DOCK7: variants seen among roughly 807,000 people sequenced by gnomAD.
The protein encoded by DOCK7 is dedicator of cytokinesis protein 7.
A neutral mutation model predicts 271.0 loss-of-function variants in DOCK7; 138 were observed. The observed-to-expected ratio is 0.51, with a 90% CI of 0.44 to 0.59. The LOEUF is 0.59. Ranked by LOEUF, DOCK7 falls within the 20% of genes least tolerant of loss-of-function variation. The probability of loss-of-function intolerance (pLI) is 0.00; values close to 1 mark genes in which losing one functional copy is unlikely to be tolerated. For missense variants in DOCK7, 2,066 were observed against 2,592.4 expected (o/e 0.80, Z 4.41); for synonymous variants, 823 against 876.1 (o/e 0.94, Z 1.07).
intron 7 of DOCK7, among the ~76,000 whole-genome samples, chr1:62,642,962 GT>G (rs1352856812): frequency 6.6e-6 from 1 of 152,116 alleles, no homozygotes; most frequent in Admixed American, 6.6e-5. Flanking sequence ...GGCTACCCTT[GT>G]GATTTGTTTT....
chr1:62,537,523 T>C (rs1362398428), intron 28 of DOCK7, among the ~76,000 whole-genome samples: 1 of 149,760 alleles, frequency 6.7e-6, no homozygotes, highest in Non-Finnish European at 1.5e-5. Flanking sequence ...GAGGCGGAAG[T>C]TGCAGTGAGC....
intron 14 of DOCK7, among the ~76,000 whole-genome samples, chr1:62,600,064 A>G (rs1471739141): frequency 6.6e-6 from 1 of 151,952 alleles, no homozygotes; most frequent in African/African-American, 2.4e-5. Context: ...AAGGTTTTTT[A>G]TCAACTACTT....
At chr1:62,625,213 T>C (rs756164331) in intron 12 of DOCK7, 46 bp downstream of exon 12, 1 of 1,600,136 alleles carries the variant, frequency 6.2e-7, no homozygotes, top group Non-Finnish European at 8.5e-7. Flanking sequence ...TTAAAAAAAT[T>C]TATGCACAAA....
chr1:62,553,341 T>C (rs1645998553), intron 21 of DOCK7, among the ~76,000 whole-genome samples: 1 of 3,800 alleles, frequency 2.6e-4, no homozygotes, highest in South Asian at 0.019. Context: ...TATATATATA[T>C]ATATATATAT....
chr1:62,661,138 C>T (rs569532211), intron 2 of DOCK7, among the ~76,000 whole-genome samples: 3 of 151,260 alleles, frequency 2.0e-5, no homozygotes, highest in African/African-American at 7.3e-5. Flanking sequence ...CTGAATAAAC[C>T]TTTAAAACAT....
intron 18 of DOCK7, among the ~76,000 whole-genome samples, chr1:62,565,616 C>T (rs557430090): frequency 2.0e-5 from 3 of 152,168 alleles, no homozygotes; most frequent in Admixed American, 1.3e-4. Flanking sequence ...ACTGAATAGG[C>T]GAAAACTGGA....
At chr1:62,687,017 C>G (rs1414778795) in intron 1 of DOCK7, among the ~76,000 whole-genome samples, 2 of 152,028 alleles carry the variant, frequency 1.3e-5, no homozygotes, top group African/African-American at 4.8e-5. Context: ...TGGCCTCAAG[C>G]GATCCTCCTG....
At chr1:62,471,185 CTG>C (rs781357779) in intron 48 of DOCK7, among the ~76,000 whole-genome samples, 14 of 152,038 alleles carry the variant, frequency 9.2e-5, no homozygotes, top group Non-Finnish European at 1.8e-4. Flanking sequence ...TACCTAATGA[CTG>C]TATTATCAGT....
chr1:62,507,645 T>C (rs1557642333), intron 35 of DOCK7, among the ~76,000 whole-genome samples: 1 of 152,202 alleles, frequency 6.6e-6, no homozygotes, highest in Middle Eastern at 3.2e-3. Context: ...TATGTAGCTA[T>C]AGCTATACAT....
Position 62,488,995 on chromosome 1 carries a change from G to T in DOCK7, c.5432C>A (p.Ala1811Glu). ...LIPIHEANRD[A>E]KKLSTIHGKL... ...ACCATGAATTGTGGATAGTTTCTTT[G>T]CATCCCGATTAGCTTCATGAATAGG... Residue 1811 changes from alanine (A) to glutamate (E), a missense_variant, in exon 42 of 50, where the codon GCA (alanine) becomes GAA (glutamate). By Grantham distance (107) the Ala-to-Glu change is moderately radical (BLOSUM62 -1). Around this residue, in one of 2 missense-constraint regions of DOCK7, gnomAD observed 652 missense variants for 922.1 expected, o/e 0.71. Transcript: ENST00000635253. 6.2e-7 allele frequency: 1 copy of T among 1,613,000 alleles called. No homozygotes were observed. The highest frequency in any genetic ancestry group is 8.5e-7 in the Non-Finnish European group (1 of 1,179,470).
chr1:62,477,838 G>A lies in DOCK7; in HGVS notation c.5509-13C>T. 1 of 1,580,462 alleles carries A rather than the reference G, an allele frequency of 6.3e-7. No homozygotes were observed. The highest frequency in any genetic ancestry group is 8.6e-7 in the Non-Finnish European group (1 of 1,166,150). ...TGCCAAACATCCGCTTACCATCCTA[G>A]GTTTAGGAAAATGGAGAAACTTTAA... On this transcript the variant is annotated splice_polypyrimidine_tract_variant and intron_variant, in intron 43 of 49. Transcript: ENST00000635253.
intron 15 of DOCK7, 61 bp downstream of exon 15, chr1:62,586,446 A>C: frequency 1.5e-6 from 2 of 1,298,020 alleles, no homozygotes; most frequent in Non-Finnish European, 2.1e-6. Flanking sequence ...ACCAAAGAGA[A>C]AGAAAAAAGT....
At chr1:62,556,081 TTAAG>T in intron 20 of DOCK7, 92 bp from the exon 21 acceptor site, 1 of 1,256,626 alleles carries the variant, frequency 8.0e-7, no homozygotes, top group South Asian at 1.3e-5. Context: ...TTTGCATACT[TTAAG>T]TATAGTGACT....
intron 1 of DOCK7, among the ~76,000 whole-genome samples, chr1:62,665,978 A>G (rs1259426320): frequency 1.3e-5 from 2 of 151,830 alleles, no homozygotes; most frequent in Non-Finnish European, 2.9e-5. Flanking sequence ...CCTGGCTAAC[A>G]TGGTGAAACC....
intron 1 of DOCK7, among the ~76,000 whole-genome samples, chr1:62,666,185 T>A (rs977894502): frequency 5.3e-5 from 8 of 151,938 alleles, no homozygotes; most frequent in East Asian, 3.9e-4. Flanking sequence ...AATAAAAATT[T>A]AAAAAATCAC....
At chr1:62,502,564 C>T (rs1005815099) in intron 37 of DOCK7, among the ~76,000 whole-genome samples, 3 of 152,118 alleles carry the variant, frequency 2.0e-5, no homozygotes, top group Non-Finnish European at 4.4e-5. Context: ...TCCACAAAAA[C>T]GAATTTTCAC....
intron 22 of DOCK7, among the ~76,000 whole-genome samples, chr1:62,547,088 A>G (rs984333546): frequency 1.3e-5 from 2 of 152,180 alleles, no homozygotes; most frequent in African/African-American, 4.8e-5. Flanking sequence ...AATTTCCTTT[A>G]AAACTACAAT....
At chr1:62,673,283 T>C (rs1660206402) in intron 1 of DOCK7, among the ~76,000 whole-genome samples, 1 of 152,144 alleles carries the variant, frequency 6.6e-6, no homozygotes, top group African/African-American at 2.4e-5. Flanking sequence ...AGGTGTCTCA[T>C]ATATCCCATC....
At chr1:62,663,383 A>G (rs1658908759) in intron 1 of DOCK7, among the ~76,000 whole-genome samples, 1 of 152,146 alleles carries the variant, frequency 6.6e-6, no homozygotes, top group African/African-American at 2.4e-5. Flanking sequence ...CTTATATGGC[A>G]TTTTAGGGAA....
Sources: gnomAD v4.1 joint callset for allele counts (sites outside exome capture counted in the v4.1 genomes callset) on GRCh38, gnomAD v4.1.1 for gene constraint, gnomAD v4.1.1 regional missense constraint, MANE v1.5 for transcripts, NCBI Gene and HGNC (gene_info 2026-07-23, HGNC 2026-07-21) for gene names.